Variants in ADGRV1 observed in about 807,000 individuals in gnomAD.
ADGRV1 encodes the protein G-protein coupled receptor 98.
Under a neutral mutation model 596.2 loss-of-function variants are expected in ADGRV1, and 359 were observed. The ratio of observed to expected loss-of-function variants is 0.60; its 90% confidence interval spans 0.55 to 0.66. The LOEUF (loss-of-function observed/expected upper bound fraction) is 0.66, where lower values mean the gene tolerates loss of function less well. Ranked by LOEUF, ADGRV1 falls within the 30% of genes least tolerant of loss-of-function variation. ADGRV1 has a pLI of 0.00. For synonymous variants in ADGRV1, 2,681 were observed against 2,679.2 expected (o/e 1.00, Z -0.02); for missense variants, 7,274 against 7,575.6 (o/e 0.96, Z 1.48).
intron 85 of ADGRV1, chr5:91,031,346 A>G: frequency 4.8e-6 from 6 of 1,258,630 alleles, no homozygotes; most frequent in South Asian, 1.2e-5. Flanking sequence ...TCCCACTCCA[A>G]TCTATCTCAT....
rs750516926 is a variant in ADGRV1 at position 90,788,165 on chromosome 5, G to GAGA, written c.13751_13753dup (p.Glu4584dup). On this transcript the variant is annotated inframe_insertion, in exon 68 of 90. Coordinates refer to ENST00000405460, the MANE Select transcript of ADGRV1 (RefSeq NM_032119.4). ...CCAGTGAGCGGGTTGTTCTATTTTG[G>GAGA]AGAAGGAGAAGGAGGAGTGAGAACC... 6.2e-7 allele frequency: 1 copy of GAGA among 1,613,798 alleles called. No homozygotes were observed. Among genetic ancestry groups the GAGA allele is most frequent in the South Asian group, 1.1e-5 (1 of 91,074 alleles).
intron 86 of ADGRV1, among the ~76,000 whole-genome samples, chr5:91,100,989 G>T (rs1435859405): frequency 6.6e-6 from 1 of 152,044 alleles, no homozygotes. Context: ...AAGAATCTAC[G>T]AAGACGTGTC....
chr5:90,582,650 G>A (rs1322310824), intron 1 of ADGRV1, among the ~76,000 whole-genome samples: 1 of 152,044 alleles, frequency 6.6e-6, no homozygotes, highest in Non-Finnish European at 1.5e-5. Flanking sequence ...CTGCAGCCTT[G>A]AGCTCCTGGA....
At chr5:91,028,539 G>T (rs763750522) in intron 85 of ADGRV1, among the ~76,000 whole-genome samples, 1 of 151,624 alleles carries the variant, frequency 6.6e-6, no homozygotes, top group Non-Finnish European at 1.5e-5. Context: ...CAGTAATGAC[G>T]CCCATTTACA....
intron 83 of ADGRV1, among the ~76,000 whole-genome samples, chr5:90,923,736 C>A (rs948341890): frequency 2.0e-5 from 3 of 152,066 alleles, no homozygotes; most frequent in African/African-American, 7.2e-5. Flanking sequence ...CCCACTAAAT[C>A]GTCATCTAGC....
chr5:90,966,121 G>A (rs1449874934), intron 84 of ADGRV1, among the ~76,000 whole-genome samples: 7 of 152,156 alleles, frequency 4.6e-5, no homozygotes, highest in East Asian at 1.9e-4. Flanking sequence ...ATTTCTGGCC[G>A]GGTATCTGGT....
chr5:91,003,332 C>G (rs1781995698), intron 85 of ADGRV1, among the ~76,000 whole-genome samples: 1 of 152,084 alleles, frequency 6.6e-6, no homozygotes, highest in Admixed American at 6.6e-5. Flanking sequence ...GGTACAGGGA[C>G]AGAATAATTA....
intron 83 of ADGRV1, among the ~76,000 whole-genome samples, chr5:90,920,829 C>T (rs542916578): frequency 6.6e-6 from 1 of 152,190 alleles, no homozygotes; most frequent in East Asian, 1.9e-4. Context: ...ACTAAAATTC[C>T]TCTTCTAAAT....
At chr5:90,689,387 C>T (rs796443102) in intron 29 of ADGRV1, among the ~76,000 whole-genome samples, 22 of 143,042 alleles carry the variant, frequency 1.5e-4, no homozygotes, top group African/African-American at 4.6e-4. Context: ...TACTCAGTAG[C>T]GGCTTTCAAT....
intron 34 of ADGRV1, among the ~76,000 whole-genome samples, chr5:90,697,863 A>T (rs1747400695): frequency 6.6e-6 from 1 of 152,164 alleles, no homozygotes; most frequent in African/African-American, 2.4e-5. Context: ...GAATTAAAAA[A>T]ATAATTTTAC....
At chr5:90,784,089 A>G (rs529199384) in intron 67 of ADGRV1, 32 bp downstream of exon 67, 2 of 1,416,290 alleles carry the variant, frequency 1.4e-6, no homozygotes, top group Non-Finnish European at 1.9e-6. Flanking sequence ...CTTTAAATAT[A>G]ATTTTTGATA....
At chr5:91,079,258 C>T (rs569639566) in intron 86 of ADGRV1, among the ~76,000 whole-genome samples, 33 of 152,310 alleles carry the variant, frequency 2.2e-4, no homozygotes, top group African/African-American at 7.9e-4. Flanking sequence ...CTCACTCAAC[C>T]GTGAACAGAC....
intron 84 of ADGRV1, among the ~76,000 whole-genome samples, chr5:90,981,758 AG>A (rs1364503103): frequency 6.6e-6 from 1 of 152,244 alleles, no homozygotes; most frequent in Non-Finnish European, 1.5e-5. Context: ...AAATTTATAA[AG>A]TATATGAAGA....
At chr5:90,693,803 C>T in intron 32 of ADGRV1, 87 bp from the exon 33 acceptor site, 1 of 1,012,448 alleles carries the variant, frequency 9.9e-7, no homozygotes, top group Non-Finnish European at 1.4e-6. Context: ...TTTTAAAAAA[C>T]TAAAGACCAC....
At chr5:91,030,776 G>A (rs1014452338) in intron 85 of ADGRV1, among the ~76,000 whole-genome samples, 1 of 152,250 alleles carries the variant, frequency 6.6e-6, no homozygotes, top group Admixed American at 6.5e-5. Context: ...AAAGTCTGAA[G>A]TCATCAACAT....
At chr5:90,812,476 G>T (rs767908155) in intron 74 of ADGRV1, among the ~76,000 whole-genome samples, 1 of 152,096 alleles carries the variant, frequency 6.6e-6, no homozygotes, top group Non-Finnish European at 1.5e-5. Context: ...TTTTTTTATA[G>T]TGAGAATATT....
intron 25 of ADGRV1, among the ~76,000 whole-genome samples, chr5:90,678,603 A>G (rs1295466369): frequency 1.4e-5 from 2 of 145,602 alleles, no homozygotes. Context: ...AGACTGGGGG[A>G]CTGCATCTTT....
At chr5:90,912,111 T>G (rs79431967) in intron 83 of ADGRV1, among the ~76,000 whole-genome samples, 1 of 152,090 alleles carries the variant, frequency 6.6e-6, no homozygotes, top group Admixed American at 6.6e-5. Context: ...AAGTACTTCA[T>G]GAATATGAGC....
At chr5:91,093,782 A>G (rs970926585) in intron 86 of ADGRV1, among the ~76,000 whole-genome samples, 1 of 152,062 alleles carries the variant, frequency 6.6e-6, no homozygotes, top group Non-Finnish European at 1.5e-5. Context: ...GCCTGATCAT[A>G]TATGAAAATA....
Sources: allele counts gnomAD v4.1 joint callset (sites outside exome capture counted in the v4.1 genomes callset), GRCh38; gene constraint gnomAD v4.1.1; transcripts MANE v1.5; gene names NCBI Gene and HGNC (gene_info 2026-07-23, HGNC 2026-07-21).